PHKB: variants seen among roughly 807,000 people sequenced by gnomAD.
PHKB encodes phosphorylase b kinase regulatory subunit beta.
PHKB carries 122 observed loss-of-function variants against 152.1 expected under a neutral mutation model. That is an observed-to-expected ratio of 0.80 (90% CI 0.69 to 0.93). The LOEUF is 0.93. Ranked by LOEUF, PHKB falls within the 40% of genes least tolerant of loss-of-function variation. PHKB has a pLI of 0.00. For synonymous variants in PHKB, 436 were observed against 464.9 expected, an observed-to-expected ratio of 0.94 and a Z score of 0.80; for missense variants, 1,304 against 1,328.4, an observed-to-expected ratio of 0.98 and a Z score of 0.29.
At chr16:47,482,387 C>A (rs1597018602) in intron 1 of PHKB, among the ~76,000 whole-genome samples, 1 of 152,222 alleles carries the variant, frequency 6.6e-6, no homozygotes, top group South Asian at 2.1e-4. Flanking sequence ...TATTTACAGT[C>A]AGCTTACTTT....
intron 18 of PHKB, among the ~76,000 whole-genome samples, chr16:47,649,467 G>A (rs1973195897): frequency 6.6e-6 from 1 of 151,978 alleles, no homozygotes; most frequent in African/African-American, 2.4e-5. Context: ...GAAAAACAGG[G>A]GGACCTATTT....
chr16:47,652,840 G>T (rs1454812118), intron 20 of PHKB, among the ~76,000 whole-genome samples: 1 of 152,020 alleles, frequency 6.6e-6, no homozygotes, highest in East Asian at 1.9e-4. Flanking sequence ...ACAGCATCTT[G>T]CTATGTTGCC....
At chr16:47,654,844 C>G (rs1256198890) in intron 20 of PHKB, among the ~76,000 whole-genome samples, 1 of 151,122 alleles carries the variant, frequency 6.6e-6, no homozygotes, top group Non-Finnish European at 1.5e-5. Flanking sequence ...GGAGATATAC[C>G]TAATGCTAAA....
intron 8 of PHKB, among the ~76,000 whole-genome samples, chr16:47,585,733 G>A (rs1971923894): frequency 6.6e-6 from 1 of 152,176 alleles, no homozygotes; most frequent in Non-Finnish European, 1.5e-5. Context: ...GAGAAAAATT[G>A]AGAGCTGAAT....
intron 28 of PHKB, among the ~76,000 whole-genome samples, chr16:47,694,505 G>A (rs547642831): frequency 2.0e-5 from 3 of 152,218 alleles, no homozygotes; most frequent in Admixed American, 6.5e-5. Flanking sequence ...TGTGTGAGTG[G>A]GAGGATGGTG....
chr16:47,543,591 G>C (rs534282835), intron 6 of PHKB, among the ~76,000 whole-genome samples: 7 of 152,254 alleles, frequency 4.6e-5, no homozygotes, highest in African/African-American at 1.7e-4. Flanking sequence ...GCTGCTCCTT[G>C]TACCTCTGGT....
At position 47,696,347 on chromosome 16, in the gene PHKB, G is replaced by A. The variant is rs762930003; in HGVS notation, c.2896-34G>A. ...ATTAAATGAGAACCAGAGCATAACG[G>A]TTCAGCATGTTAATGTGGAGTTATT... On this transcript the variant is annotated intron_variant, in intron 28 of 30. Transcript: ENST00000323584. The A allele has an allele frequency of 3.6e-5, 36 of 1,002,144 alleles. 1 individual carries two copies. The Admixed American group carries it at 5.6e-4, about 16-fold the overall frequency. The allele number at this position is 1,002,144 out of a possible 1,614,324, so 62.1% of individuals were successfully genotyped here.
intron 26 of PHKB, among the ~76,000 whole-genome samples, chr16:47,680,026 T>C (rs544158925): frequency 2.0e-5 from 3 of 152,356 alleles, no homozygotes; most frequent in South Asian, 2.1e-4. Flanking sequence ...ATTCAGATAA[T>C]CATGTGGTTT....
chr16:47,616,666 T>C (rs1972524094), intron 14 of PHKB, among the ~76,000 whole-genome samples: 1 of 147,534 alleles, frequency 6.8e-6, no homozygotes, highest in Non-Finnish European at 1.5e-5. Context: ...TATATTAATA[T>C]ATAATATTTT....
At chr16:47,475,189 T>C (rs1214523033) in intron 1 of PHKB, among the ~76,000 whole-genome samples, 1 of 152,236 alleles carries the variant, frequency 6.6e-6, no homozygotes, top group Non-Finnish European at 1.5e-5. Context: ...TGTAGCTAAA[T>C]GGGAGTCATG....
At chr16:47,529,983 C>A (rs1383487166) in intron 6 of PHKB, 1 of 152,098 alleles carries the variant, frequency 6.6e-6, no homozygotes, top group Non-Finnish European at 1.5e-5. Context: ...GCAAAGAATT[C>A]ATCACCTATT....
intron 1 of PHKB, among the ~76,000 whole-genome samples, chr16:47,475,165 T>C (rs541620888): frequency 5.9e-5 from 9 of 152,372 alleles, no homozygotes; most frequent in Admixed American, 1.3e-4. Flanking sequence ...AGTTTTGTCA[T>C]GAATTTCCAT....
At chr16:47,665,051 T>A in intron 25 of PHKB, 76 bp downstream of exon 25, 1 of 908,684 alleles carries the variant, frequency 1.1e-6, no homozygotes, top group South Asian at 1.4e-5. Flanking sequence ...GTTAAATATG[T>A]CTTTTGGTCT....
At chr16:47,485,244 G>A (rs1245438984) in intron 1 of PHKB, among the ~76,000 whole-genome samples, 1 of 152,124 alleles carries the variant, frequency 6.6e-6, no homozygotes, top group Non-Finnish European at 1.5e-5. Flanking sequence ...AAATTTCGGT[G>A]TATGGTGGAA....
At chr16:47,614,911 G>A (rs1464886634) in intron 14 of PHKB, among the ~76,000 whole-genome samples, 3 of 152,094 alleles carry the variant, frequency 2.0e-5, no homozygotes, top group African/African-American at 7.2e-5. Context: ...TTTATGGGTA[G>A]GTCTGCTAGC....
At chr16:47,659,958 G>C (rs1260679078) in intron 20 of PHKB, among the ~76,000 whole-genome samples, 1 of 152,146 alleles carries the variant, frequency 6.6e-6, no homozygotes, top group Non-Finnish European at 1.5e-5. Flanking sequence ...CCACCTTCTA[G>C]GTTCAAGTGA....
intron 20 of PHKB, among the ~76,000 whole-genome samples, chr16:47,655,624 T>G (rs1390430111): frequency 1.3e-5 from 2 of 152,266 alleles, no homozygotes; most frequent in East Asian, 3.8e-4. Context: ...GCATAGAGTT[T>G]TAAAGTCAGA....
chr16:47,698,732 T>A, intron 30 of PHKB, 144 bp downstream of exon 30: 1 of 690,492 alleles, frequency 1.4e-6, no homozygotes, highest in Non-Finnish European at 2.3e-6. Flanking sequence ...GCAGTCTGCC[T>A]TTTTCGAGGA....
upstream of PHKB, chr16:47,461,312 G>A: frequency 6.6e-7 from 1 of 1,525,944 alleles, no homozygotes; most frequent in Non-Finnish European, 9.0e-7. Context: ...GCTGACAGGC[G>A]GCCCCGGGGG....
Sources: allele counts gnomAD v4.1 joint callset (sites outside exome capture counted in the v4.1 genomes callset), GRCh38; gene constraint gnomAD v4.1.1; transcripts MANE v1.5; gene names NCBI Gene and HGNC (gene_info 2026-07-23, HGNC 2026-07-21).